Variants in HYAL4 observed in about 807,000 individuals in gnomAD.
HYAL4 encodes hyaluronidase 4, also known as hyaluronidase-4.
Under a neutral mutation model 35.2 loss-of-function variants are expected in HYAL4, and 37 were observed. That is an observed-to-expected ratio of 1.05 (90% confidence interval 0.81 to 1.38). The LOEUF (loss-of-function observed/expected upper bound fraction) is 1.38, where lower values mean the gene tolerates loss of function less well. Ranked by LOEUF, HYAL4 falls within the 40% of genes most tolerant of loss-of-function variation. HYAL4 has a pLI of 0.00. For missense variants in HYAL4, 572 were observed against 572.4 expected, an observed-to-expected ratio of 1.00 and a Z score of 0.01; for synonymous variants, 198 against 203.2, an observed-to-expected ratio of 0.97 and a Z score of 0.22.
the HYAL4 span, among the ~76,000 whole-genome samples, chr7:123,787,506 C>A: frequency 6.6e-6 from 1 of 152,112 alleles, no homozygotes; most frequent in Non-Finnish European, 1.5e-5. Context: ...GCTTGCAAGG[C>A]CATGGCAGTA....
chr7:123,765,143 A>G, the HYAL4 span, among the ~76,000 whole-genome samples: 1 of 152,214 alleles, frequency 6.6e-6, no homozygotes, highest in Non-Finnish European at 1.5e-5. Context: ...AAAGAAAAAT[A>G]TATTTCTGGA....
the HYAL4 span, among the ~76,000 whole-genome samples, chr7:123,807,432 G>GTTTTTCTTTT: frequency 8.3e-6 from 1 of 120,802 alleles, no homozygotes; most frequent in South Asian, 2.7e-4. Context: ...ACTTTTTATG[G>GTTTTTCTTTT]TTTTTTTTTT....
intron 2 of HYAL4, among the ~76,000 whole-genome samples, chr7:123,852,986 C>A (rs1806346336): frequency 6.6e-6 from 1 of 152,028 alleles, no homozygotes; most frequent in South Asian, 2.1e-4. Context: ...GTATTTTATT[C>A]TCTTTGTAGC....
the HYAL4 span, among the ~76,000 whole-genome samples, chr7:123,800,910 C>T: frequency 1.3e-5 from 2 of 152,072 alleles, no homozygotes; most frequent in African/African-American, 4.8e-5. Flanking sequence ...AGCCACCTGC[C>T]TTGGCCTCCC....
chr7:123,772,774 T>C, the HYAL4 span, among the ~76,000 whole-genome samples: 1 of 152,180 alleles, frequency 6.6e-6, no homozygotes, highest in Non-Finnish European at 1.5e-5. Context: ...AAGCTCTTCC[T>C]GATGAAAGCT....
At chr7:123,850,945 T>C (rs1806291894) in intron 2 of HYAL4, among the ~76,000 whole-genome samples, 1 of 152,244 alleles carries the variant, frequency 6.6e-6, no homozygotes, top group Admixed American at 6.5e-5. Flanking sequence ...TTGTGAAACA[T>C]TTTGAAGTTA....
chr7:123,782,580 C>G, the HYAL4 span, among the ~76,000 whole-genome samples: 1 of 151,764 alleles, frequency 6.6e-6, no homozygotes, highest in South Asian at 2.1e-4. Context: ...TGGCAGGATC[C>G]CAGTTTACAC....
chr7:123,860,701 C>G (rs1806559456), intron 2 of HYAL4, among the ~76,000 whole-genome samples: 1 of 151,922 alleles, frequency 6.6e-6, no homozygotes, highest in Non-Finnish European at 1.5e-5. Flanking sequence ...TTTTGTCTTC[C>G]TAATTATAAG....
At chr7:123,854,992 T>C (rs190710125) in intron 2 of HYAL4, among the ~76,000 whole-genome samples, 1 of 152,182 alleles carries the variant, frequency 6.6e-6, no homozygotes, top group African/African-American at 2.4e-5. Flanking sequence ...TCCTTGTCTC[T>C]TTTGATCTTT....
At chr7:123,836,840 C>A (rs1458619909) in intron 1 of HYAL4, among the ~76,000 whole-genome samples, 1 of 152,064 alleles carries the variant, frequency 6.6e-6, no homozygotes, top group Non-Finnish European at 1.5e-5. Context: ...ACCAGCCTGG[C>A]TGACGTGGCA....
intron 2 of HYAL4, among the ~76,000 whole-genome samples, chr7:123,864,105 G>A (rs1399146478): frequency 1.3e-5 from 2 of 152,092 alleles, no homozygotes; most frequent in Non-Finnish European, 2.9e-5. Flanking sequence ...ATTTGTCTCT[G>A]GTCAGGGTAA....
At chr7:123,802,402 A>G in the HYAL4 span, among the ~76,000 whole-genome samples, 1 of 152,070 alleles carries the variant, frequency 6.6e-6, no homozygotes, top group African/African-American at 2.4e-5. Context: ...GTTCCTGACA[A>G]TCCTCTGTTC....
At chr7:123,850,297 A>G (rs999983726) in intron 2 of HYAL4, among the ~76,000 whole-genome samples, 16 of 152,304 alleles carry the variant, frequency 1.1e-4, no homozygotes, top group African/African-American at 3.4e-4. Context: ...GATGGAGTGC[A>G]GTGGCATGAT....
chr7:123,791,882 G>A, the HYAL4 span, among the ~76,000 whole-genome samples: 1 of 152,098 alleles, frequency 6.6e-6, no homozygotes, highest in Admixed American at 6.5e-5. Context: ...TCCCATACAA[G>A]GACTTGTAAC....
the HYAL4 span, among the ~76,000 whole-genome samples, chr7:123,805,546 T>C: frequency 6.6e-6 from 1 of 152,104 alleles, no homozygotes; most frequent in Admixed American, 6.6e-5. Context: ...AGGTAGACAT[T>C]GATAATTTAA....
the HYAL4 span, among the ~76,000 whole-genome samples, chr7:123,823,782 T>C: frequency 6.6e-6 from 1 of 150,574 alleles, no homozygotes; most frequent in Non-Finnish European, 1.5e-5. Context: ...TATATATGAA[T>C]TTATTCATTT....
At chr7:123,842,851 G>T (rs180782626), upstream of HYAL4, among the ~76,000 whole-genome samples, 57 of 151,756 alleles carry the variant, frequency 3.8e-4, 1 homozygote, top group East Asian at 0.011. Context: ...CTTTTGCTTG[G>T]TAGATCCTCC....
the HYAL4 span, among the ~76,000 whole-genome samples, chr7:123,823,628 C>T: frequency 7.9e-5 from 12 of 150,960 alleles, no homozygotes; most frequent in Non-Finnish European, 1.3e-4. Context: ...TCTCCATGTT[C>T]GTTATTGGTC....
chr7:123,808,683 T>C, the HYAL4 span, among the ~76,000 whole-genome samples: 52 of 152,152 alleles, frequency 3.4e-4, no homozygotes, highest in Non-Finnish European at 1.5e-4. Flanking sequence ...TCTTAGTCTG[T>C]TCAGGCTGCT....
Sources: gnomAD v4.1 joint callset for allele counts (sites outside exome capture counted in the v4.1 genomes callset) on GRCh38, gnomAD v4.1.1 for gene constraint, MANE v1.5 for transcripts, NCBI Gene and HGNC (gene_info 2026-07-23, HGNC 2026-07-21) for gene names.